ATXN1: variants seen among roughly 807,000 people sequenced by gnomAD.
ATXN1 encodes ataxin-1.
In ATXN1, 8 loss-of-function variants were observed where a neutral mutation model predicts 56.4. The ratio of observed to expected loss-of-function variants is 0.14; its 90% CI spans 0.08 to 0.26. ATXN1 has a LOEUF of 0.26. Ranked by LOEUF, ATXN1 falls within the 10% of genes least tolerant of loss-of-function variation. ATXN1 has a pLI of 1.00. For missense variants in ATXN1, 987 were observed against 1,106.5 expected (o/e 0.89, Z 1.53); for synonymous variants, 514 against 494.6 (o/e 1.04, Z -0.52).
chr6:16,570,704 A>G (rs974993651), intron 4 of ATXN1, among the ~76,000 whole-genome samples: 2 of 152,210 alleles, frequency 1.3e-5, no homozygotes, highest in Admixed American at 6.5e-5. Flanking sequence ...AAGAAGAGAA[A>G]TAAGTTGTAA....
At position 16,461,131 on chromosome 6, in the gene ATXN1, T is replaced by C. The variant is rs1305201456; in HGVS notation, c.-161+24841A>G. On this transcript the variant is annotated intron_variant, in intron 6 of 7. Coordinates refer to ENST00000436367, the MANE Select transcript of ATXN1 (RefSeq NM_001128164.2). Reference sequence around the variant, plus strand: ...CACTGGGCAGATGCTGAGGCCAAAATTGCTGCCAGGCAGAACCTCCCATTA... The same window carrying C: ...CACTGGGCAGATGCTGAGGCCAAAACTGCTGCCAGGCAGAACCTCCCATTA... Among the ~76,000 whole-genome samples the C allele has an allele frequency of 2.6e-5, 4 of 152,250 alleles. No homozygotes were observed. The South Asian group carries it at 6.2e-4, about 24-fold the overall frequency.
intron 4 of ATXN1, among the ~76,000 whole-genome samples, chr6:16,571,663 A>G (rs1762334698): frequency 6.6e-6 from 1 of 151,730 alleles, no homozygotes; most frequent in Non-Finnish European, 1.5e-5. Context: ...AGCTAATTAA[A>G]AAAAAAAAAC....
At chr6:16,445,359 C>T (rs182829998) in intron 6 of ATXN1, among the ~76,000 whole-genome samples, 41 of 152,028 alleles carry the variant, frequency 2.7e-4, no homozygotes, top group Non-Finnish European at 5.4e-4. Flanking sequence ...GATGCAAGGT[C>T]CAGGGAATAC....
At chr6:16,332,437 G>A (rs1042358084) in intron 6 of ATXN1, among the ~76,000 whole-genome samples, 3 of 152,214 alleles carry the variant, frequency 2.0e-5, no homozygotes, top group African/African-American at 7.2e-5. Context: ...AAGAAAAAAG[G>A]AGAGTGGGAT....
chr6:16,675,940 G>A (rs1758652822), intron 2 of ATXN1, among the ~76,000 whole-genome samples: 1 of 152,006 alleles, frequency 6.6e-6, no homozygotes, highest in Admixed American at 6.6e-5. Context: ...GCAAGACACT[G>A]CCAAAGGAGA....
intron 3 of ATXN1, among the ~76,000 whole-genome samples, chr6:16,650,294 G>T (rs1167257399): frequency 6.6e-6 from 1 of 152,186 alleles, no homozygotes; most frequent in East Asian, 1.9e-4. Flanking sequence ...AAGTTGATAA[G>T]GAATTCCTAG....
intron 2 of ATXN1, among the ~76,000 whole-genome samples, chr6:16,700,847 C>A (rs1362320244): frequency 6.6e-6 from 1 of 151,990 alleles, no homozygotes; most frequent in Non-Finnish European, 1.5e-5. Flanking sequence ...CACCTCATTT[C>A]TAAGTGGAAA....
chr6:16,576,663 C>T (rs138151314), intron 4 of ATXN1, among the ~76,000 whole-genome samples: 146 of 152,256 alleles, frequency 9.6e-4, no homozygotes, highest in African/African-American at 3.3e-3. Context: ...TAATTAATGT[C>T]AATGTGTCTT....
intron 6 of ATXN1, among the ~76,000 whole-genome samples, chr6:16,480,998 G>A (rs1222323246): frequency 6.6e-6 from 1 of 152,150 alleles, no homozygotes; most frequent in Non-Finnish European, 1.5e-5. Context: ...CACACCAGGG[G>A]CAATGGCCAG....
intron 4 of ATXN1, among the ~76,000 whole-genome samples, chr6:16,554,514 C>T (rs142411724): frequency 3.3e-3 from 504 of 152,290 alleles, no homozygotes; most frequent in African/African-American, 0.011. Context: ...TGCAATGGTG[C>T]GGTCTTGGCT....
Position 16,733,835 on chromosome 6 carries a change from A to G in ATXN1, c.-615+19398T>C, listed in dbSNP as rs368238247. ...GCACTCCAGCCTGGGCAACAAGAGC[A>G]AAACTCCATCTCAAATGAAAAAGAA... On this transcript the variant is annotated intron_variant, in intron 2 of 7. Coordinates refer to ENST00000436367, the MANE Select transcript of ATXN1 (RefSeq NM_001128164.2). Among the ~76,000 whole-genome samples, 439 of 152,198 alleles carry G rather than the reference A, an allele frequency of 2.9e-3. 1 individual carries two copies. The highest frequency in any genetic ancestry group is 0.01 in the African/African-American group (428 of 41,554).
At chr6:16,361,947 G>C (rs1761816795) in intron 6 of ATXN1, among the ~76,000 whole-genome samples, 1 of 152,192 alleles carries the variant, frequency 6.6e-6, no homozygotes, top group South Asian at 2.1e-4. Context: ...GTGATTATCT[G>C]GTGAAATTGG....
At chr6:16,354,789 T>C (rs931626650) in intron 6 of ATXN1, among the ~76,000 whole-genome samples, 2 of 152,230 alleles carry the variant, frequency 1.3e-5, no homozygotes, top group African/African-American at 4.8e-5. Context: ...TTCTTCTGAT[T>C]TGTGATGGGT....
chr6:16,326,354 G>A lies in ATXN1; in HGVS notation c.1917+40C>T, dbSNP rs1356130400. ...GCCAGGAGATGATGATGGCATCACG[G>A]TGTGGTGTCCCATCCCTGTGCCACC... On this transcript the variant is annotated intron_variant, in intron 7 of 7. Transcript: ENST00000436367. The surrounding 1 kb of genome is among the most constrained non-coding windows in gnomAD (Gnocchi z 6.6). 2 of 1,603,936 alleles carry A rather than the reference G, an allele frequency of 1.2e-6. No homozygotes were observed. The highest frequency in any genetic ancestry group is 4.5e-5 in the East Asian group (2 of 44,754).
chr6:16,647,870 G>A (rs1056286279), intron 3 of ATXN1, among the ~76,000 whole-genome samples: 8 of 152,314 alleles, frequency 5.3e-5, no homozygotes, highest in African/African-American at 1.9e-4. Flanking sequence ...GAGGTCAGGA[G>A]TTTGAGGCCA....
intron 6 of ATXN1, among the ~76,000 whole-genome samples, chr6:16,389,000 C>A (rs2113518187): frequency 6.6e-6 from 1 of 152,340 alleles, no homozygotes; most frequent in East Asian, 1.9e-4. Flanking sequence ...TAATTACCAT[C>A]CATCATCCTT....
intron 6 of ATXN1, among the ~76,000 whole-genome samples, chr6:16,356,464 G>T (rs1761690054): frequency 6.6e-6 from 1 of 152,110 alleles, no homozygotes; most frequent in South Asian, 2.1e-4. Flanking sequence ...ATGAATTTTT[G>T]CTTTCCATGA....
intron 2 of ATXN1, chr6:16,738,081 CAG>C (rs1234102303): frequency 5.3e-5 from 8 of 152,278 alleles, no homozygotes; most frequent in Non-Finnish European, 1.2e-4. Flanking sequence ...TGGAAAACCT[CAG>C]AGTCTACTGA....
chr6:16,673,858 T>C (rs1480818304), intron 2 of ATXN1, among the ~76,000 whole-genome samples: 2 of 152,036 alleles, frequency 1.3e-5, no homozygotes, highest in African/African-American at 4.8e-5. Context: ...CTCTACTCAC[T>C]AGATGCCAGT....
Sources: gnomAD v4.1 joint callset for allele counts (sites outside exome capture counted in the v4.1 genomes callset) on GRCh38, gnomAD v4.1.1 for gene constraint, Gnocchi (gnomAD v3.1) non-coding constraint, MANE v1.5 for transcripts, NCBI Gene and HGNC (gene_info 2026-07-23, HGNC 2026-07-21) for gene names.